The following TFCP2 variants were observed in gnomAD, a reference collection of about 807,000 sequenced individuals.
TFCP2 encodes the protein alpha-globin transcription factor CP2.
In TFCP2, 33 loss-of-function variants were observed where a neutral mutation model predicts 73.4. The observed-to-expected ratio is 0.45, with a 90% CI of 0.34 to 0.60. The LOEUF is 0.60. TFCP2 is among the 20% of genes least tolerant of loss of function. TFCP2 has a pLI of 0.01. For synonymous variants in TFCP2, 193 were observed against 211.6 expected (o/e 0.91, Z 0.76); for missense variants, 352 against 604.0 (o/e 0.58, Z 4.37).
intron 1 of TFCP2, among the ~76,000 whole-genome samples, chr12:51,131,125 C>A (rs890753191): frequency 6.7e-6 from 1 of 149,200 alleles, no homozygotes; most frequent in African/African-American, 2.5e-5. Context: ...GTCAGGAGAT[C>A]GAGACCATCC....
intron 1 of TFCP2, among the ~76,000 whole-genome samples, chr12:51,148,986 C>T (rs1941359617): frequency 8.4e-6 from 1 of 118,486 alleles, no homozygotes; most frequent in African/African-American, 3.0e-5. Flanking sequence ...GACTGCGCTG[C>T]TGCACTCCAG....
At chr12:51,146,279 G>T (rs771881500) in intron 1 of TFCP2, among the ~76,000 whole-genome samples, 96 of 151,818 alleles carry the variant, frequency 6.3e-4, no homozygotes, top group Non-Finnish European at 1.3e-4. Flanking sequence ...CTACACTCCA[G>T]CCTGGGTGAC....
chr12:51,125,145 A>T (rs967812469), intron 1 of TFCP2: 1 of 736,632 alleles, frequency 1.4e-6, no homozygotes, highest in East Asian at 2.6e-5. Flanking sequence ...GCGCAGTGTG[A>T]TATTGACATT....
chr12:51,104,297 G>T, intron 8 of TFCP2, 94 bp from the exon 9 acceptor site: 1 of 1,088,178 alleles, frequency 9.2e-7, no homozygotes, highest in Non-Finnish European at 1.3e-6. Context: ...TCATGCTAGA[G>T]ATTAAAAAAA....
intron 13 of TFCP2, 73 bp from the exon 14 acceptor site, chr12:51,096,113 CT>C: frequency 8.3e-7 from 1 of 1,200,628 alleles, no homozygotes. Flanking sequence ...TCCCTAAGGA[CT>C]ACCCCACATC....
chr12:51,154,491 C>T (rs1353818287), intron 1 of TFCP2, among the ~76,000 whole-genome samples: 4 of 152,072 alleles, frequency 2.6e-5, no homozygotes, highest in African/African-American at 2.4e-5. Context: ...ATCAGGAGTT[C>T]GAGACCAGCC....
At chr12:51,134,796 T>C (rs911444933) in intron 1 of TFCP2, among the ~76,000 whole-genome samples, 1 of 152,242 alleles carries the variant, frequency 6.6e-6, no homozygotes, top group African/African-American at 2.4e-5. Context: ...ACAGGAATAA[T>C]ATCTACTTAA....
intron 1 of TFCP2, among the ~76,000 whole-genome samples, chr12:51,139,919 G>A (rs1367880788): frequency 1.3e-5 from 2 of 152,076 alleles, no homozygotes; most frequent in African/African-American, 4.8e-5. Context: ...ATGTGCCCAA[G>A]GTTACACAGC....
At chr12:51,095,325 A>C (rs768171788) in intron 14 of TFCP2, 47 bp from the exon 15 acceptor site, 2 of 1,592,496 alleles carry the variant, frequency 1.3e-6, no homozygotes, top group East Asian at 2.2e-5. Flanking sequence ...TCACCTCTAA[A>C]ACACAGCAGG....
chr12:51,144,187 C>G (rs921988979), intron 1 of TFCP2, among the ~76,000 whole-genome samples: 2 of 152,024 alleles, frequency 1.3e-5, no homozygotes, highest in Non-Finnish European at 2.9e-5. Context: ...TGTGCACCAC[C>G]ACACCTGGCT....
intron 1 of TFCP2, among the ~76,000 whole-genome samples, chr12:51,157,237 G>C (rs1941555466): frequency 6.6e-6 from 1 of 151,990 alleles, no homozygotes; most frequent in Admixed American, 6.6e-5. Context: ...GGCCAGGCTG[G>C]TCTCAAACTC....
chr12:51,144,831 G>A (rs1233395283), intron 1 of TFCP2, among the ~76,000 whole-genome samples: 1 of 152,220 alleles, frequency 6.6e-6, no homozygotes, highest in Non-Finnish European at 1.5e-5. Flanking sequence ...GGAGGCTGAG[G>A]CGGGAGGATC....
intron 1 of TFCP2, among the ~76,000 whole-genome samples, chr12:51,130,550 CCT>C (rs1232524388): frequency 6.6e-6 from 1 of 152,102 alleles, no homozygotes; most frequent in African/African-American, 2.4e-5. Context: ...CATATAGTGT[CCT>C]CTGATAGGAA....
intron 1 of TFCP2, among the ~76,000 whole-genome samples, chr12:51,167,018 T>C (rs73106945): frequency 0.012 from 1,822 of 152,334 alleles, 17 homozygotes; most frequent in Non-Finnish European, 0.015. Context: ...AACCACTAAT[T>C]TATTTTCTCT....
chr12:51,106,711 T>A, intron 7 of TFCP2, 98 bp from the exon 8 acceptor site: 1 of 913,328 alleles, frequency 1.1e-6, no homozygotes, highest in Non-Finnish European at 1.7e-6. Context: ...GATTAGTAAA[T>A]CTTAATTCCT....
intron 1 of TFCP2, among the ~76,000 whole-genome samples, chr12:51,123,899 A>AT (rs1940740851): frequency 6.6e-6 from 1 of 152,226 alleles, no homozygotes; most frequent in Admixed American, 6.5e-5. Context: ...AAATGGAGTC[A>AT]TTCACCTTAA....
chr12:51,133,296 A>G (rs758214695), intron 1 of TFCP2, among the ~76,000 whole-genome samples: 1 of 152,074 alleles, frequency 6.6e-6, no homozygotes, highest in African/African-American at 2.4e-5. Context: ...CCAATAAAAT[A>G]TACCTATTTT....
At chr12:51,159,005 TC>T (rs1941595598) in intron 1 of TFCP2, among the ~76,000 whole-genome samples, 12 of 104,414 alleles carry the variant, frequency 1.1e-4, no homozygotes, top group East Asian at 3.2e-4. Context: ...CTACTAAAAA[TC>T]CAAAAAAAAA....
chr12:51,135,399 C>T (rs1011115368), intron 1 of TFCP2, among the ~76,000 whole-genome samples: 1 of 151,672 alleles, frequency 6.6e-6, no homozygotes, highest in East Asian at 1.9e-4. Flanking sequence ...TGCACTCCAG[C>T]CTGGGTGACA....
Sources: gnomAD v4.1 joint callset for allele counts (sites outside exome capture counted in the v4.1 genomes callset) on GRCh38, gnomAD v4.1.1 for gene constraint, MANE v1.5 for transcripts, NCBI Gene and HGNC (gene_info 2026-07-23, HGNC 2026-07-21) for gene names.